SSR3: variants seen among roughly 807,000 people sequenced by gnomAD.
SSR3 encodes the protein translocon-associated protein subunit gamma.
Under a neutral mutation model 22.1 loss-of-function variants are expected in SSR3, and 10 were observed. That is an observed-to-expected ratio of 0.45 (90% CI 0.28 to 0.77). The LOEUF is 0.77. Among genes scored for constraint, SSR3 ranks in the 30% least tolerant of loss-of-function variants. The pLI is 0.13. For missense variants in SSR3, 181 were observed against 220.5 expected (o/e 0.82, Z 1.13); for synonymous variants, 104 against 82.5 (o/e 1.26, Z -1.42).
chr3:156,548,182 A>G (rs1248075062), intron 3 of SSR3, among the ~76,000 whole-genome samples: 14 of 152,208 alleles, frequency 9.2e-5, no homozygotes, highest in Non-Finnish European at 5.9e-5. Flanking sequence ...GCAATTCTTC[A>G]GCACAAGTTT....
intron 3 of SSR3, among the ~76,000 whole-genome samples, chr3:156,547,680 T>C (rs1302889109): frequency 6.6e-6 from 1 of 152,222 alleles, no homozygotes; most frequent in Non-Finnish European, 1.5e-5. Context: ...TTTAATAATG[T>C]TTTGGTACCT....
chr3:156,544,221 T>C, intron 4 of SSR3, 87 bp downstream of exon 4: 1 of 1,298,248 alleles, frequency 7.7e-7, no homozygotes, highest in Non-Finnish European at 1.0e-6. Context: ...AGTTTTTCTT[T>C]CCACTAAAAT....
intron 1 of SSR3, among the ~76,000 whole-genome samples, chr3:156,554,337 T>A (rs1720073534): frequency 6.6e-6 from 1 of 152,250 alleles, no homozygotes. Flanking sequence ...ACTTGAGCTC[T>A]ACTAAAAACG....
intron 2 of SSR3, among the ~76,000 whole-genome samples, chr3:156,550,693 G>A (rs116548701): frequency 0.012 from 1,858 of 152,224 alleles, 43 homozygotes; most frequent in African/African-American, 0.043. Context: ...AATAAAAAAA[G>A]ACACTACCTG....
rs552575360 is a variant in SSR3 at position 156,548,693 on chromosome 3, G to A, written c.359+212C>T. On this transcript the variant is annotated intron_variant, in intron 3 of 4. Coordinates refer to ENST00000265044, the MANE Select transcript of SSR3 (RefSeq NM_007107.5). ...ACCTACTTCACAGGACTCTTTAGAG[G>A]AATAAATCAACTATTGTACAGCACA... 133 of 604,340 alleles carry A rather than the reference G, an allele frequency of 2.2e-4. No homozygotes were observed. In the African/African-American group the frequency reaches 2.3e-3, roughly 10 times the overall value. 37.4% of individuals were successfully genotyped at this position (604,340 alleles called of 1,614,324 possible).
chr3:156,546,441 T>C (rs996510177), intron 3 of SSR3, among the ~76,000 whole-genome samples: 1 of 152,178 alleles, frequency 6.6e-6, no homozygotes, highest in Non-Finnish European at 1.5e-5. Flanking sequence ...AGAACCATTT[T>C]CAAAAAGCTT....
At chr3:156,549,908 A>G (rs528605117) in intron 2 of SSR3, among the ~76,000 whole-genome samples, 2 of 152,324 alleles carry the variant, frequency 1.3e-5, no homozygotes, top group East Asian at 3.9e-4. Context: ...CTGTCTTTTT[A>G]AGAGACACTT....
At chr3:156,553,828 T>C in intron 1 of SSR3, 47 bp from the exon 2 acceptor site, 1 of 1,554,950 alleles carries the variant, frequency 6.4e-7, no homozygotes, top group Non-Finnish European at 8.7e-7. Context: ...AGCAAAACAT[T>C]ACAACCCCGC....
Position 156,555,065 on chromosome 3 carries a change from G to C in SSR3, c.25C>G (p.Gln9Glu). The change falls in exon 1 of 5, where the codon CAG becomes GAG. Residue 9 changes from glutamine to glutamate, a missense_variant. Gln to Glu is a conservative substitution (Grantham distance 29). Transcript: ENST00000265044. MAPKGSSK[Q>E]QSEEDLLLQD... The stretch of plus-strand genomic sequence containing the variant: ...AGGAGCAGGTCCTCCTCAGACTGCT[G>C]TTTGGAGCTGCCTTTAGGAGCCATG... 1 of 1,613,924 alleles carries C rather than the reference G, an allele frequency of 6.2e-7. No homozygotes were observed. Among genetic ancestry groups the C allele is most frequent in the East Asian group, 2.2e-5 (1 of 44,876 alleles).
chr3:156,540,694 A>G lies in SSR3; in HGVS notation c.*2509T>C, dbSNP rs1460044552. ...CTAAAAATAGGTAAATGAAAATGTT[A>G]TAACACTTTAGTGCTATTTATGAGT... On this transcript the variant is annotated 3_prime_UTR_variant, in exon 5 of 5. Transcript: ENST00000265044. The G allele has an allele frequency of 1.3e-5, 2 of 151,974 alleles. No individual in the cohort carries two copies. The highest frequency in any genetic ancestry group is 2.9e-5 in the Non-Finnish European group (2 of 67,986). The allele number at this position is 151,974 out of a possible 1,614,324, so 9.4% of individuals were successfully genotyped here. A position where few individuals can be genotyped will look rare whatever the true frequency, so the allele number is the denominator to read the frequency against.
chr3:156,547,870 C>T (rs1719816110), intron 3 of SSR3, among the ~76,000 whole-genome samples: 1 of 152,182 alleles, frequency 6.6e-6, no homozygotes, highest in East Asian at 1.9e-4. Flanking sequence ...CCCCTGACAC[C>T]TGGAAACCCA....
intron 2 of SSR3, among the ~76,000 whole-genome samples, chr3:156,549,989 A>G (rs200458902): frequency 8.9e-6 from 1 of 112,902 alleles, no homozygotes. Context: ...TATAAAAACT[A>G]TCTTTTTTCA....
At position 156,541,048 on chromosome 3, in the gene SSR3, G is replaced by A. The variant is rs1053286080; in HGVS notation, c.*2155C>T. ...AAACATCAAGATTAAAAACAGTGCT[G>A]TAGGAAAAATTCACAACAGTAAACA... On this transcript the variant is annotated 3_prime_UTR_variant, in exon 5 of 5. Transcript: ENST00000265044. 1 of 115,000 alleles carries A rather than the reference G, an allele frequency of 8.7e-6. No individual in the cohort carries two copies. The highest frequency in any genetic ancestry group is 1.9e-5 in the Non-Finnish European group (1 of 51,798). The allele number at this position is 115,000 out of a possible 1,614,324, so 7.1% of individuals were successfully genotyped here. A position where few individuals can be genotyped will look rare whatever the true frequency, so the allele number is the denominator to read the frequency against.
Position 156,540,247 on chromosome 3 carries a change from A to C in SSR3, c.*2956T>G, listed in dbSNP as rs997111750. On this transcript the variant is annotated 3_prime_UTR_variant, in exon 5 of 5. Coordinates refer to ENST00000265044, the MANE Select transcript of SSR3 (RefSeq NM_007107.5). ...TCAGTTAACTTCAAACCTTGTTTCA[A>C]ATTATCCTTTCCAAGTTTCAATAAT... 4 of 152,212 alleles carry C rather than the reference A, an allele frequency of 2.6e-5. No individual in the cohort carries two copies. The highest frequency in any genetic ancestry group is 6.5e-5 in the Admixed American group (1 of 15,278). 9.4% of individuals were successfully genotyped at this position (152,212 alleles called of 1,614,324 possible). A position where few individuals can be genotyped will look rare whatever the true frequency, so the allele number is the denominator to read the frequency against.
At position 156,541,715 on chromosome 3, in the gene SSR3, C is replaced by T. The variant is rs1314772304; in HGVS notation, c.*1488G>A. On this transcript the variant is annotated 3_prime_UTR_variant, in exon 5 of 5. Coordinates refer to ENST00000265044, the MANE Select transcript of SSR3 (RefSeq NM_007107.5). ...TGATATGTGACTTCTCTAGTCACTC[C>T]ACATTATCCAGTGATGGCACCTAGA... The T allele has an allele frequency of 6.6e-6, 1 of 152,116 alleles. No individual in the cohort carries two copies. Among genetic ancestry groups the T allele is most frequent in the Non-Finnish European group, 1.5e-5 (1 of 68,022 alleles). 9.4% of individuals were successfully genotyped at this position (152,116 alleles called of 1,614,324 possible). A position where few individuals can be genotyped will look rare whatever the true frequency, so the allele number is the denominator to read the frequency against.
chr3:156,542,973 T>C lies in SSR3; in HGVS notation c.*230A>G. On this transcript the variant is annotated 3_prime_UTR_variant, in exon 5 of 5. Transcript: ENST00000265044. ...TTACAGCACATTGCAAGACATTTTTTTCCTTTTAATAAACGTCCTAGTACT... is the reference window on the plus strand; with the variant it reads ...TTACAGCACATTGCAAGACATTTTTCTCCTTTTAATAAACGTCCTAGTACT... 2 of 435,916 alleles carry C rather than the reference T, an allele frequency of 4.6e-6. No homozygotes were observed. The highest frequency in any genetic ancestry group is 7.5e-5 in the South Asian group (1 of 13,398). 27.0% of individuals were successfully genotyped at this position (435,916 alleles called of 1,614,324 possible).
In SSR3 at chr3:156,554,856, G is replaced by A. The variant is rs571465290; in HGVS notation, c.133+101C>T. ...GGAGCTGGAGAGATTGCCGACCCCC[G>A]GCCGGCACCCACGCCTTCCCTGCTC... On this transcript the variant is annotated intron_variant, in intron 1 of 4. Transcript: ENST00000265044. The A allele has an allele frequency of 5.0e-4, 733 of 1,472,502 alleles. 2 individuals are homozygous for A. Among genetic ancestry groups the A allele is most frequent in the Middle Eastern group, 6.8e-4 (3 of 4,384 alleles). 91.2% of individuals were successfully genotyped at this position (1,472,502 alleles called of 1,614,324 possible).
Position 156,553,637 on chromosome 3 carries a change from CT to C in SSR3, c.260+17del, listed in dbSNP as rs760812075. 2.5e-6 allele frequency: 4 copies of C among 1,607,892 alleles called. No homozygotes were observed. The highest frequency in any genetic ancestry group is 3.4e-6 in the Non-Finnish European group (4 of 1,178,624). On this transcript the variant is annotated intron_variant, in intron 2 of 4. Coordinates refer to ENST00000265044, the MANE Select transcript of SSR3 (RefSeq NM_007107.5). ...ATATAACATGTAGTACGTACTTTCACTTGAAAAACATACTTACTTGTGCTTG... is the reference window on the plus strand; with the variant it reads ...ATATAACATGTAGTACGTACTTTCACTGAAAAACATACTTACTTGTGCTTG...
At position 156,540,605 on chromosome 3, in the gene SSR3, CAAAAAAAAAA is replaced by C. The variant is rs751040914; in HGVS notation, c.*2588_*2597del. 7 of 71,862 alleles carry C rather than the reference CAAAAAAAAAA, an allele frequency of 9.7e-5. No individual in the cohort carries two copies. Among genetic ancestry groups the C allele is most frequent in the African/African-American group, 1.7e-4 (3 of 17,268 alleles). The allele number at this position is 71,862 out of a possible 1,614,324, so 4.5% of individuals were successfully genotyped here. ...TGGGTGACAGAGCGAGACGCTGTCT[CAAAAAAAAAA>C]AAAAAAAAAAAAGAATATCAATCCA... On this transcript the variant is annotated 3_prime_UTR_variant, in exon 5 of 5. Transcript: ENST00000265044.
Sources: gnomAD v4.1 joint callset for allele counts (sites outside exome capture counted in the v4.1 genomes callset) on GRCh38, gnomAD v4.1.1 for gene constraint, MANE v1.5 for transcripts, NCBI Gene and HGNC (gene_info 2026-07-23, HGNC 2026-07-21) for gene names.